Variants in ANKRD29 observed in about 807,000 individuals in gnomAD.
ANKRD29 encodes ankyrin repeat domain 29.
A neutral mutation model predicts 38.0 loss-of-function variants in ANKRD29; 32 were observed. The observed-to-expected ratio is 0.84, with a 90% CI of 0.64 to 1.13. The LOEUF (loss-of-function observed/expected upper bound fraction) is 1.13, where lower values mean the gene tolerates loss of function less well. Among genes scored for constraint, ANKRD29 ranks in the 50% most tolerant of loss-of-function variants. The pLI is 0.00. For missense variants in ANKRD29, 357 were observed against 377.9 expected (o/e 0.94, Z 0.46); for synonymous variants, 135 against 152.4 (o/e 0.89, Z 0.84).
chr18:23,659,971 C>G (rs977870598), intron 1 of ANKRD29, among the ~76,000 whole-genome samples: 2 of 151,598 alleles, frequency 1.3e-5, no homozygotes, highest in Admixed American at 1.3e-4. Context: ...ATTAGCCGGG[C>G]GTGGTGGCAC....
intron 8 of ANKRD29, among the ~76,000 whole-genome samples, chr18:23,615,392 A>G (rs2059697632): frequency 6.6e-6 from 1 of 152,202 alleles, no homozygotes; most frequent in Non-Finnish European, 1.5e-5. Context: ...TTCCACAAAT[A>G]ACAATGTTCA....
chr18:23,633,127 G>A (rs750231774), intron 5 of ANKRD29, among the ~76,000 whole-genome samples: 2 of 152,174 alleles, frequency 1.3e-5, no homozygotes, highest in African/African-American at 2.4e-5. Flanking sequence ...TACAAAACTG[G>A]AGTAATGTTT....
intron 9 of ANKRD29, among the ~76,000 whole-genome samples, chr18:23,609,772 T>C (rs2059617938): frequency 6.6e-6 from 1 of 152,220 alleles, no homozygotes; most frequent in East Asian, 1.9e-4. Flanking sequence ...GACTGGTCTC[T>C]TTAGGAAGTC....
At position 23,615,397 on chromosome 18, in the gene ANKRD29, T is replaced by C. The variant is rs565392578; in HGVS notation, c.723+2335A>G. Among the ~76,000 whole-genome samples the C allele has an allele frequency of 8.5e-5, 13 of 152,274 alleles. No individual in the cohort carries two copies. The East Asian group carries it at 1.5e-3, about 18-fold the overall frequency. Reference sequence around the variant, plus strand: ...AAATATGAAATTCCACAAATAACAATGTTCATAAATAAAGTTTTATAGGAA... The same window carrying C: ...AAATATGAAATTCCACAAATAACAACGTTCATAAATAAAGTTTTATAGGAA... On this transcript the variant is annotated intron_variant, in intron 8 of 9. Coordinates refer to ENST00000592179, the MANE Select transcript of ANKRD29 (RefSeq NM_173505.4).
At chr18:23,641,973 G>A (rs560270427) in intron 3 of ANKRD29, among the ~76,000 whole-genome samples, 26 of 151,886 alleles carry the variant, frequency 1.7e-4, no homozygotes, top group Admixed American at 7.2e-4. Flanking sequence ...ACTTGCCTGC[G>A]GAAAGGCGCT....
At chr18:23,646,411 G>A (rs1007899802) in intron 2 of ANKRD29, 124 bp from the exon 3 acceptor site, 3 of 674,670 alleles carry the variant, frequency 4.4e-6, no homozygotes, top group African/African-American at 3.6e-5. Context: ...ATTCCCTGCA[G>A]TGATAAAAGT....
chr18:23,606,758 G>A (rs946903464), intron 9 of ANKRD29, among the ~76,000 whole-genome samples: 1 of 152,196 alleles, frequency 6.6e-6, no homozygotes, highest in African/African-American at 2.4e-5. Context: ...CAGCTACTCA[G>A]GAGGCTGAGG....
chr18:23,612,183 G>A lies in ANKRD29; in HGVS notation c.731C>T (p.Thr244Ile). ...GAGCACTGCTGCATGGAGCGCTGAT[G>A]TCCCATTCTAAGAGAAAATGACAGT... ...SPTLGILKNG[T>I]SALHAAVLSG... Residue 244 changes from threonine (T) to isoleucine (I), a missense_variant, in exon 9 of 10, where the codon ACA becomes ATA. Transcript: ENST00000592179. 1 of 1,613,262 alleles carries A rather than the reference G, an allele frequency of 6.2e-7. No individual in the cohort carries two copies. Among genetic ancestry groups the A allele is most frequent in the Non-Finnish European group, 8.5e-7 (1 of 1,179,576 alleles).
At position 23,607,166 on chromosome 18, in the gene ANKRD29, C is replaced by T. The variant is rs2145633140; in HGVS notation, c.822+4926G>A. 1.3e-5 allele frequency among the ~76,000 whole-genome samples: 2 copies of T among 152,244 alleles called. 1 individual carries two copies. Among genetic ancestry groups the T allele is most frequent in the South Asian group, 4.1e-4 (2 of 4,826 alleles). On this transcript the variant is annotated intron_variant, in intron 9 of 9. Coordinates refer to ENST00000592179, the MANE Select transcript of ANKRD29 (RefSeq NM_173505.4). Reference sequence around the variant, plus strand: ...TGTGCAGCATGTCCTGTGGCTGCACCCCTTCTCACCACATGGGACCCTGGA... The same window carrying T: ...TGTGCAGCATGTCCTGTGGCTGCACTCCTTCTCACCACATGGGACCCTGGA...
chr18:23,608,669 C>A (rs529648375), intron 9 of ANKRD29, among the ~76,000 whole-genome samples: 1 of 152,290 alleles, frequency 6.6e-6, no homozygotes, highest in South Asian at 2.1e-4. Flanking sequence ...AACCTTTAAG[C>A]TGTGCTTGTT....
chr18:23,609,786 G>C (rs1328462764), intron 9 of ANKRD29, among the ~76,000 whole-genome samples: 1 of 152,206 alleles, frequency 6.6e-6, no homozygotes, highest in Non-Finnish European at 1.5e-5. Context: ...GGAAGTCTGT[G>C]CACAAGGTCT....
At position 23,620,905 on chromosome 18, in the gene ANKRD29, GGCAA is replaced by G. The variant is rs1157192379; in HGVS notation, c.529-1280_529-1277del. Among the ~76,000 whole-genome samples the G allele has an allele frequency of 7.9e-5, 12 of 152,296 alleles. No homozygotes were observed. In the East Asian group the frequency reaches 2.1e-3, roughly 27 times the overall value. ...GCTGGAGTGAGCCTGGTGTCGGGAA[GGCAA>G]GGCCACAGTGCCCTGACTTCCTGAG... On this transcript the variant is annotated intron_variant, in intron 6 of 9. Transcript: ENST00000592179.
intron 8 of ANKRD29, among the ~76,000 whole-genome samples, chr18:23,617,048 G>A (rs919776434): frequency 3.3e-5 from 5 of 151,978 alleles, no homozygotes; most frequent in Admixed American, 6.6e-5. Context: ...GTGAAACCCC[G>A]TCTCTACTAA....
intron 1 of ANKRD29, among the ~76,000 whole-genome samples, chr18:23,654,165 C>T (rs1283748117): frequency 6.6e-6 from 1 of 151,914 alleles, no homozygotes; most frequent in East Asian, 1.9e-4. Flanking sequence ...ACTTGAGAGG[C>T]TGAGGCAGGA....
chr18:23,634,553 G>C (rs10163752), intron 4 of ANKRD29, among the ~76,000 whole-genome samples: 1 of 151,906 alleles, frequency 6.6e-6, no homozygotes, highest in Non-Finnish European at 1.5e-5. Context: ...ACATCTCAAA[G>C]TGCTGGGATT....
At chr18:23,650,028 C>T (rs1175249964) in intron 1 of ANKRD29, among the ~76,000 whole-genome samples, 3 of 150,380 alleles carry the variant, frequency 2.0e-5, no homozygotes, top group Non-Finnish European at 3.0e-5. Flanking sequence ...GTGCCCGGCC[C>T]CTCCATCTAA....
At chr18:23,646,007 T>G (rs1016846557) in intron 3 of ANKRD29, among the ~76,000 whole-genome samples, 182 bp downstream of exon 3, 38 of 152,162 alleles carry the variant, frequency 2.5e-4, no homozygotes, top group Non-Finnish European at 2.1e-4. Flanking sequence ...CAGGCTACGC[T>G]CAAATGCATT....
chr18:23,608,198 A>G (rs562959554), intron 9 of ANKRD29, among the ~76,000 whole-genome samples: 196 of 152,388 alleles, frequency 1.3e-3, no homozygotes, highest in Non-Finnish European at 2.0e-3. Flanking sequence ...CATTCCCAGC[A>G]CATAGCACAG....
chr18:23,644,225 TCTCTC>T (rs1205222999), intron 3 of ANKRD29, among the ~76,000 whole-genome samples: 6 of 152,346 alleles, frequency 3.9e-5, no homozygotes, highest in Admixed American at 1.3e-4. Context: ...ATCAAATACT[TCTCTC>T]CTCTTCTAGC....
Sources: gnomAD v4.1 joint callset for allele counts (sites outside exome capture counted in the v4.1 genomes callset) on GRCh38, gnomAD v4.1.1 for gene constraint, MANE v1.5 for transcripts, NCBI Gene and HGNC (gene_info 2026-07-23, HGNC 2026-07-21) for gene names.